Variants in SORCS2 observed in about 807,000 individuals in gnomAD.
SORCS2 encodes VPS10 domain-containing receptor SorCS2.
SORCS2 carries 100 observed loss-of-function variants against 141.6 expected under a neutral mutation model. The observed-to-expected ratio is 0.71, with a 90% confidence interval of 0.60 to 0.83. The LOEUF is 0.83. SORCS2 is among the 40% of genes least tolerant of loss of function. The pLI is 0.00. For missense variants in SORCS2, 1,646 were observed against 1,560.2 expected (o/e 1.05, Z -0.93); for synonymous variants, 789 against 676.9 (o/e 1.17, Z -2.57).
intron 1 of SORCS2, among the ~76,000 whole-genome samples, chr4:7,217,823 G>A (rs1577287967): frequency 6.6e-6 from 1 of 152,230 alleles, no homozygotes; most frequent in African/African-American, 2.4e-5. Flanking sequence ...TGTGGGAGCC[G>A]TGGGGACCTG....
intron 1 of SORCS2, among the ~76,000 whole-genome samples, chr4:7,277,911 G>C (rs1015523904): frequency 6.6e-6 from 1 of 152,200 alleles, no homozygotes; most frequent in Non-Finnish European, 1.5e-5. Flanking sequence ...GGACAGCTCC[G>C]GGGGAGGCTG....
chr4:7,213,498 G>A (rs1365589862), intron 1 of SORCS2, among the ~76,000 whole-genome samples: 5 of 152,202 alleles, frequency 3.3e-5, no homozygotes, highest in South Asian at 2.1e-4. Flanking sequence ...CCTTGGAGGC[G>A]GAGGTGCTCT....
At chr4:7,740,029 C>T (rs925748643) in intron 26 of SORCS2, among the ~76,000 whole-genome samples, 171 bp from the exon 27 acceptor site, 1 of 152,114 alleles carries the variant, frequency 6.6e-6, no homozygotes, top group Non-Finnish European at 1.5e-5. Flanking sequence ...TCCTCAGGCA[C>T]CCACCTAGGA....
intron 3 of SORCS2, among the ~76,000 whole-genome samples, chr4:7,592,858 C>T (rs193061146): frequency 1.4e-4 from 22 of 152,350 alleles, no homozygotes; most frequent in Admixed American, 1.0e-3. Flanking sequence ...ACATAAACCA[C>T]CAACCAGAAT....
At chr4:7,273,848 G>C (rs1715299967) in intron 1 of SORCS2, among the ~76,000 whole-genome samples, 1 of 152,218 alleles carries the variant, frequency 6.6e-6, no homozygotes, top group Non-Finnish European at 1.5e-5. Flanking sequence ...CCCCCAGGCT[G>C]CTTGGATGCA....
chr4:7,509,175 C>G (rs1299629103), intron 2 of SORCS2, among the ~76,000 whole-genome samples: 1 of 152,126 alleles, frequency 6.6e-6, no homozygotes, highest in African/African-American at 2.4e-5. Flanking sequence ...GTGAGGCAGC[C>G]CACATTAGAG....
intron 1 of SORCS2, among the ~76,000 whole-genome samples, chr4:7,322,029 C>T (rs1718925332): frequency 6.6e-6 from 1 of 152,192 alleles, no homozygotes; most frequent in Non-Finnish European, 1.5e-5. Context: ...TGAGGCTCCT[C>T]CAAGAAACAG....
intron 10 of SORCS2, among the ~76,000 whole-genome samples, chr4:7,685,132 T>C (rs1452865133): frequency 6.6e-6 from 1 of 152,240 alleles, no homozygotes; most frequent in African/African-American, 2.4e-5. Flanking sequence ...TTTTGTATCA[T>C]CATTGGCAAA....
chr4:7,368,434 G>A (rs1469925711), intron 1 of SORCS2, among the ~76,000 whole-genome samples: 8 of 152,188 alleles, frequency 5.3e-5, no homozygotes, highest in Non-Finnish European at 7.4e-5. Context: ...TTGACTGCCC[G>A]GACCTGCTGC....
rs553177545 is a variant in SORCS2 at position 7,587,305 on chromosome 4, C to G, written c.649-51023C>G. ...ACAGCCTGGCTGCCACTCTGCTCTG[C>G]AGCTCTGTGATGTTGGCTGAACCTG... On this transcript the variant is annotated intron_variant, in intron 3 of 26. Coordinates refer to ENST00000507866, the MANE Select transcript of SORCS2 (RefSeq NM_020777.3). Among the ~76,000 whole-genome samples, 6 of 152,342 alleles carry G rather than the reference C, an allele frequency of 3.9e-5. No individual in the cohort carries two copies. The South Asian group carries it at 1.2e-3, about 32-fold the overall frequency.
chr4:7,698,707 C>T (rs566154122), intron 12 of SORCS2, among the ~76,000 whole-genome samples: 22 of 152,324 alleles, frequency 1.4e-4, no homozygotes, highest in South Asian at 1.2e-3. Context: ...AGTGCTGAGC[C>T]GAGGCCTGGC....
chr4:7,503,107 A>G (rs946314253), intron 2 of SORCS2, among the ~76,000 whole-genome samples: 1 of 152,172 alleles, frequency 6.6e-6, no homozygotes, highest in Admixed American at 6.5e-5. Flanking sequence ...TATCTGGGGA[A>G]TATATATCAG....
intron 1 of SORCS2, among the ~76,000 whole-genome samples, chr4:7,288,083 G>C (rs577944351): frequency 6.6e-6 from 1 of 152,298 alleles, no homozygotes; most frequent in African/African-American, 2.4e-5. Context: ...GGTGATTTCA[G>C]ATGGGGCTCC....
intron 3 of SORCS2, among the ~76,000 whole-genome samples, chr4:7,589,384 A>G (rs1716758418): frequency 8.9e-6 from 1 of 112,756 alleles, no homozygotes; most frequent in Non-Finnish European, 1.9e-5. Flanking sequence ...CTCTTGGCTG[A>G]GACCCGTTTT....
At chr4:7,256,391 CAAAAA>C (rs908269179) in intron 1 of SORCS2, among the ~76,000 whole-genome samples, 2 of 152,082 alleles carry the variant, frequency 1.3e-5, no homozygotes, top group African/African-American at 4.8e-5. Context: ...AATTAAAAAA[CAAAAA>C]ACAAAACACC....
At chr4:7,499,444 C>G (rs1268076585) in intron 2 of SORCS2, among the ~76,000 whole-genome samples, 1 of 152,154 alleles carries the variant, frequency 6.6e-6, no homozygotes, top group African/African-American at 2.4e-5. Flanking sequence ...AGGGATGCCA[C>G]TGCAGGGGCA....
chr4:7,460,682 T>C (rs1482005442), intron 2 of SORCS2, among the ~76,000 whole-genome samples: 1 of 152,130 alleles, frequency 6.6e-6, no homozygotes, highest in Non-Finnish European at 1.5e-5. Flanking sequence ...TAGGTGGGAA[T>C]GTGGAGGGAA....
chr4:7,335,810 G>C (rs919473304), intron 1 of SORCS2, among the ~76,000 whole-genome samples: 3 of 152,236 alleles, frequency 2.0e-5, no homozygotes, highest in African/African-American at 7.2e-5. Flanking sequence ...GGCCCAAGTG[G>C]CTTAGATCCT....
In SORCS2 at chr4:7,371,777, C is replaced by T. The variant is rs189419960; in HGVS notation, c.481-24511C>T. On this transcript the variant is annotated intron_variant, in intron 1 of 26. Coordinates refer to ENST00000507866, the MANE Select transcript of SORCS2 (RefSeq NM_020777.3). ...CGGGAGCTGAGCTTTGGTGTCAGCT[C>T]GCTGTGGGTCCCTCAGTAGCTGCAC... Among the ~76,000 whole-genome samples, 231 of 152,306 alleles carry T rather than the reference C, an allele frequency of 1.5e-3. 2 individuals are homozygous for T. The highest frequency in any genetic ancestry group is 5.0e-3 in the African/African-American group (208 of 41,568).
Sources: allele counts gnomAD v4.1 joint callset (sites outside exome capture counted in the v4.1 genomes callset), GRCh38; gene constraint gnomAD v4.1.1; transcripts MANE v1.5; gene names NCBI Gene and HGNC (gene_info 2026-07-23, HGNC 2026-07-21).